Variants in TMEM170A observed in about 807,000 individuals in gnomAD.
TMEM170A encodes transmembrane protein 170A.
TMEM170A carries 18 observed loss-of-function variants against 12.8 expected under a neutral mutation model. The ratio of observed to expected loss-of-function variants is 1.41; its 90% confidence interval spans 0.97 to 2.09. TMEM170A has a LOEUF of 2.09. Among genes scored for constraint, TMEM170A ranks in the 30% most tolerant of loss-of-function variants. The pLI is 0.00. For synonymous variants in TMEM170A, 107 were observed against 76.2 expected, an observed-to-expected ratio of 1.40 and a Z score of -2.11; for missense variants, 220 against 179.9, an observed-to-expected ratio of 1.22 and a Z score of -1.28.
chr16:75,454,804 T>C (rs920823672), intron 1 of TMEM170A, among the ~76,000 whole-genome samples: 2 of 152,180 alleles, frequency 1.3e-5, no homozygotes, highest in Non-Finnish European at 2.9e-5. Context: ...CTGACACTCC[T>C]AGTTGGAATA....
intron 1 of TMEM170A, among the ~76,000 whole-genome samples, chr16:75,453,712 G>C (rs535480568): frequency 6.6e-6 from 1 of 152,336 alleles, no homozygotes; most frequent in African/African-American, 2.4e-5. Flanking sequence ...TGTTTGGCTT[G>C]AAGACAAATG....
In TMEM170A at chr16:75,463,174, G is replaced by C. The variant is rs191094782; in HGVS notation, c.133+1294C>G. Among the ~76,000 whole-genome samples the C allele has an allele frequency of 2.9e-4, 44 of 152,292 alleles. No homozygotes were observed. In the South Asian group the frequency reaches 8.9e-3, roughly 31 times the overall value. ...TACTGTTCTCTCAACTGTTTGGCAG[G>C]CTTGACATTTTTCAGGAAAGGGGAA... On this transcript the variant is annotated intron_variant, in intron 1 of 2. Transcript: ENST00000561878.
In TMEM170A at chr16:75,443,725, A is replaced by C. The variant is rs1273635057; in HGVS notation, c.*3833T>G. 1 of 152,240 alleles carries C rather than the reference A, an allele frequency of 6.6e-6. No homozygotes were observed. The highest frequency in any genetic ancestry group is 1.5e-5 in the Non-Finnish European group (1 of 68,046). 9.4% of individuals were successfully genotyped at this position (152,240 alleles called of 1,614,324 possible). ...AAAAAAGCACAGATACCTCTTTTAG[A>C]ATATTCATGATGCTCTTGTGTATGA... On this transcript the variant is annotated 3_prime_UTR_variant, in exon 3 of 3. Coordinates refer to ENST00000561878, the MANE Select transcript of TMEM170A (RefSeq NM_145254.3).
chr16:75,457,346 C>T (rs1173414472), intron 1 of TMEM170A, among the ~76,000 whole-genome samples: 3 of 152,180 alleles, frequency 2.0e-5, no homozygotes, highest in African/African-American at 7.2e-5. Flanking sequence ...CATCCAAGTG[C>T]TAAGGGCTGA....
Position 75,443,982 on chromosome 16 carries a change from A to T in TMEM170A, c.*3576T>A, listed in dbSNP as rs906490951. On this transcript the variant is annotated 3_prime_UTR_variant, in exon 3 of 3. Coordinates refer to ENST00000561878, the MANE Select transcript of TMEM170A (RefSeq NM_145254.3). ...CGGGTGCCAGTAATCCTAGCTACTC[A>T]GCGGCCAAGGCAGGACAATCACTTG... 1 of 151,784 alleles carries T rather than the reference A, an allele frequency of 6.6e-6. No homozygotes were observed. Among genetic ancestry groups the T allele is most frequent in the Non-Finnish European group, 1.5e-5 (1 of 67,970 alleles). 9.4% of individuals were successfully genotyped at this position (151,784 alleles called of 1,614,324 possible). A position where few individuals can be genotyped will look rare whatever the true frequency, so the allele number is the denominator to read the frequency against.
chr16:75,447,879 T>A (rs1031385845), intron 2 of TMEM170A, among the ~76,000 whole-genome samples, 191 bp from the exon 3 acceptor site: 2 of 152,222 alleles, frequency 1.3e-5, no homozygotes, highest in East Asian at 3.8e-4. Flanking sequence ...ATTCATTGCA[T>A]GGCTTGCAAG....
rs2079967850 is a variant in TMEM170A, at chr16:75,464,682, T to C, written c.-82A>G. The stretch of plus-strand genomic sequence containing the variant: ...CCGGCGCCGACTCACCCTCGCCGCC[T>C]CAGCGTCACCTCCAGCCGGGGTCCT... On this transcript the variant is annotated 5_prime_UTR_variant, in exon 1 of 3. Transcript: ENST00000561878. 1.3e-6 allele frequency: 2 copies of C among 1,500,944 alleles called. No homozygotes were observed. The highest frequency in any genetic ancestry group is 1.5e-5 in the African/African-American group (1 of 68,788). The allele number at this position is 1,500,944 out of a possible 1,614,324, so 93.0% of individuals were successfully genotyped here.
Position 75,450,139 on chromosome 16 carries a change from G to A in TMEM170A, c.304+1530C>T, listed in dbSNP as rs192435270. Among the ~76,000 whole-genome samples the A allele has an allele frequency of 1.7e-4, 25 of 148,748 alleles. No individual in the cohort carries two copies. In the East Asian group the frequency reaches 3.6e-3, roughly 21 times the overall value. On this transcript the variant is annotated intron_variant, in intron 2 of 2. Transcript: ENST00000561878. ...CAGAGGGTCTCCAAAGCAGCAGTAGGTGATACAGTTAGAACACAGAGAAAC... is the reference window on the plus strand; with the variant it reads ...CAGAGGGTCTCCAAAGCAGCAGTAGATGATACAGTTAGAACACAGAGAAAC...
chr16:75,450,817 C>T (rs1376252502), intron 2 of TMEM170A, among the ~76,000 whole-genome samples: 1 of 152,130 alleles, frequency 6.6e-6, no homozygotes, highest in East Asian at 1.9e-4. Context: ...CACCACCACA[C>T]TCAGCTAAAT....
intron 1 of TMEM170A, 51 bp from the exon 2 acceptor site, chr16:75,451,890 A>G (rs1414689817): frequency 4.6e-6 from 7 of 1,507,332 alleles, no homozygotes; most frequent in Non-Finnish European, 6.4e-6. Flanking sequence ...TCCCAGGACA[A>G]TCATTGCAGA....
At chr16:75,459,672 C>T (rs1262471345) in intron 1 of TMEM170A, among the ~76,000 whole-genome samples, 2 of 152,052 alleles carry the variant, frequency 1.3e-5, no homozygotes, top group Admixed American at 6.6e-5. Context: ...GCCTGGCCAA[C>T]ACAGTGAAAC....
chr16:75,456,083 T>C lies in TMEM170A; in HGVS notation c.134-4244A>G, dbSNP rs537877692. On this transcript the variant is annotated intron_variant, in intron 1 of 2. Transcript: ENST00000561878. Reference sequence around the variant, plus strand: ...TTGAGAAGCTGGATTTAAGGGGCTATTGGAGATAGGGGTGGAGCCAAATCC... The same window carrying C: ...TTGAGAAGCTGGATTTAAGGGGCTACTGGAGATAGGGGTGGAGCCAAATCC... 4.1e-4 allele frequency among the ~76,000 whole-genome samples: 62 copies of C among 152,294 alleles called. 1 individual carries two copies. Among genetic ancestry groups the C allele is most frequent in the African/African-American group, 1.2e-3 (48 of 41,566 alleles).
At chr16:75,463,479 G>A (rs2079942347) in intron 1 of TMEM170A, among the ~76,000 whole-genome samples, 1 of 152,148 alleles carries the variant, frequency 6.6e-6, no homozygotes, top group Non-Finnish European at 1.5e-5. Flanking sequence ...CAAGTCCCAG[G>A]TGTCCGCTGA....
At position 75,447,663 on chromosome 16, in the gene TMEM170A, T is replaced by C. The variant is rs566179094; in HGVS notation, c.330A>G (p.Arg110=). The change falls in exon 3 of 3, where the codon CGA becomes CGG. Residue 110 remains arginine (R), a synonymous_variant. Coordinates refer to ENST00000561878, the MANE Select transcript of TMEM170A (RefSeq NM_145254.3). ...ATGGTATCATTTCCTTCCCTGCTGC[T>C]CGGTAAACTCCAGCAATAGCTGCAC... The part of the protein sequence containing the change: ...LTSAAIAGVY[R]AAGKEMIPFE... 3 of 1,605,826 alleles carry C rather than the reference T, an allele frequency of 1.9e-6. No individual in the cohort carries two copies. The highest frequency in any genetic ancestry group is 4.5e-5 in the East Asian group (2 of 44,536).
rs1295348648 is a variant in TMEM170A at position 75,447,872 on chromosome 16, C to T, written c.305-184G>A. Reference sequence around the variant, plus strand: ...TGGACTACTCTACACTTTGAGTATTCATTGCATGGCTTGCAAGATCACTTT... The same window carrying T: ...TGGACTACTCTACACTTTGAGTATTTATTGCATGGCTTGCAAGATCACTTT... On this transcript the variant is annotated intron_variant, in intron 2 of 2. Coordinates refer to ENST00000561878, the MANE Select transcript of TMEM170A (RefSeq NM_145254.3). Among the ~76,000 whole-genome samples the T allele has an allele frequency of 2.6e-5, 4 of 152,172 alleles. 1 individual carries two copies. The highest frequency in any genetic ancestry group is 3.9e-4 in the East Asian group (2 of 5,194).
In TMEM170A at chr16:75,446,234, A is replaced by C. The variant is rs1463969965; in HGVS notation, c.*1324T>G. On this transcript the variant is annotated 3_prime_UTR_variant, in exon 3 of 3. Transcript: ENST00000561878. The stretch of plus-strand genomic sequence containing the variant: ...AATCACCAGAAACTATTTTGCAGAT[A>C]ACCACCACCACTACCACCACACTGA... The C allele has an allele frequency of 6.6e-6, 1 of 152,088 alleles. No homozygotes were observed. Among genetic ancestry groups the C allele is most frequent in the East Asian group, 1.9e-4 (1 of 5,200 alleles). 9.4% of individuals were successfully genotyped at this position (152,088 alleles called of 1,614,324 possible). A position where few individuals can be genotyped will look rare whatever the true frequency, so the allele number is the denominator to read the frequency against.
chr16:75,451,227 C>T (rs1483049586), intron 2 of TMEM170A, among the ~76,000 whole-genome samples: 1 of 112,516 alleles, frequency 8.9e-6, no homozygotes, highest in Middle Eastern at 4.2e-3. Context: ...GTAATAGGAC[C>T]TTGGGGGTGG....
Position 75,447,476 on chromosome 16 carries a change from A to G in TMEM170A, c.*82T>C. The stretch of plus-strand genomic sequence containing the variant: ...CCAAGTTGCTTCCCTTTGAAGAACT[A>G]AGAAAACACTACACTCCATAATGTA... On this transcript the variant is annotated 3_prime_UTR_variant, in exon 3 of 3. Transcript: ENST00000561878. 1 of 1,433,440 alleles carries G rather than the reference A, an allele frequency of 7.0e-7. No homozygotes were observed. Among genetic ancestry groups the G allele is most frequent in the Non-Finnish European group, 9.2e-7 (1 of 1,085,990 alleles). 88.8% of individuals were successfully genotyped at this position (1,433,440 alleles called of 1,614,324 possible). A position where few individuals can be genotyped will look rare whatever the true frequency, so the allele number is the denominator to read the frequency against.
chr16:75,463,265 T>A (rs1393879563), intron 1 of TMEM170A, among the ~76,000 whole-genome samples: 1 of 152,072 alleles, frequency 6.6e-6, no homozygotes, highest in Non-Finnish European at 1.5e-5. Context: ...ATTTCATGTA[T>A]CACACAGGGT....
Sources: gnomAD v4.1 joint callset for allele counts (sites outside exome capture counted in the v4.1 genomes callset) on GRCh38, gnomAD v4.1.1 for gene constraint, MANE v1.5 for transcripts, NCBI Gene and HGNC (gene_info 2026-07-23, HGNC 2026-07-21) for gene names.